MET: variants seen among roughly 807,000 people sequenced by gnomAD.
The protein encoded by MET is hepatocyte growth factor receptor.
MET carries 48 observed loss-of-function variants against 133.1 expected under a neutral mutation model. The ratio of observed to expected loss-of-function variants is 0.36; its 90% confidence interval spans 0.29 to 0.46. The LOEUF (loss-of-function observed/expected upper bound fraction) is 0.46. Ranked by LOEUF, MET falls within the 20% of genes least tolerant of loss-of-function variation. The pLI is 1.00. For synonymous variants in MET, 628 were observed against 616.5 expected (o/e 1.02, Z -0.28); for missense variants, 1,442 against 1,695.9 (o/e 0.85, Z 2.63).
intron 2 of MET, among the ~76,000 whole-genome samples, chr7:116,701,293 T>C (rs183360917): frequency 2.6e-5 from 4 of 152,302 alleles, no homozygotes; most frequent in Admixed American, 2.6e-4. Flanking sequence ...AGTTTGACTT[T>C]GGCATGGTAT....
At chr7:116,687,938 C>T (rs1299260910) in intron 1 of MET, among the ~76,000 whole-genome samples, 3 of 152,238 alleles carry the variant, frequency 2.0e-5, no homozygotes, top group African/African-American at 4.8e-5. Context: ...GGGGTTCACT[C>T]ACCACCTGCA....
chr7:116,767,830 T>G (rs1794680288), intron 11 of MET, among the ~76,000 whole-genome samples: 1 of 150,984 alleles, frequency 6.6e-6, no homozygotes, highest in Admixed American at 6.6e-5. Flanking sequence ...TATGTTTACT[T>G]TCTTTTATTT....
rs760519841 is a variant in MET at position 116,714,256 on chromosome 7, A to G, written c.1200+13972A>G. Among the ~76,000 whole-genome samples the G allele has an allele frequency of 4.6e-5, 7 of 152,298 alleles. No homozygotes were observed. The South Asian group carries it at 1.4e-3, about 32-fold the overall frequency. On this transcript the variant is annotated intron_variant, in intron 2 of 20. Coordinates refer to ENST00000397752, the MANE Select transcript of MET (RefSeq NM_000245.4). ...CAAGGTCCATATCATTGTAGAATTGATTCTTTTGAATTGTGGTGGTACCTC... is the reference window on the plus strand; with the variant it reads ...CAAGGTCCATATCATTGTAGAATTGGTTCTTTTGAATTGTGGTGGTACCTC...
chr7:116,719,930 T>A (rs1186884591), intron 2 of MET, among the ~76,000 whole-genome samples: 1 of 152,138 alleles, frequency 6.6e-6, no homozygotes, highest in African/African-American at 2.4e-5. Context: ...GCGTGATGCC[T>A]CCAGCTTTGT....
rs1420240934 is a variant in MET at position 116,783,437 on chromosome 7, C to A, written c.3766C>A (p.Gln1256Lys). The A allele has an allele frequency of 6.2e-7, 1 of 1,613,988 alleles. No individual in the cohort carries two copies. The highest frequency in any genetic ancestry group is 2.2e-5 in the East Asian group (1 of 44,854). Residue 1256 changes from glutamine to lysine, a missense_variant, in exon 19 of 21, where the codon CAA (glutamine) becomes AAA (lysine). Gln to Lys is a moderately conservative substitution (Grantham distance 53). Coordinates refer to ENST00000397752, the MANE Select transcript of MET (RefSeq NM_000245.4). ...PVKWMALESL[Q>K]TQKFTTKSDV... ...GAAGTGGATGGCTTTGGAAAGTCTGCAAACTCAAAAGTTTACCACCAAGTC... is the reference window on the plus strand; with the variant it reads ...GAAGTGGATGGCTTTGGAAAGTCTGAAAACTCAAAAGTTTACCACCAAGTC...
At chr7:116,721,775 T>C (rs1792493546) in intron 2 of MET, among the ~76,000 whole-genome samples, 1 of 152,176 alleles carries the variant, frequency 6.6e-6, no homozygotes, top group Non-Finnish European at 1.5e-5. Context: ...GTTGTTCAGT[T>C]TCCATGTAGT....
intron 3 of MET, among the ~76,000 whole-genome samples, chr7:116,739,499 A>G (rs1264006612): frequency 1.3e-5 from 2 of 152,242 alleles, no homozygotes; most frequent in Non-Finnish European, 2.9e-5. Flanking sequence ...AACTAGCTCC[A>G]GTATTCCAGA....
intron 2 of MET, among the ~76,000 whole-genome samples, chr7:116,727,252 A>T (rs1206691932): frequency 6.6e-6 from 1 of 152,146 alleles, no homozygotes; most frequent in African/African-American, 2.4e-5. Flanking sequence ...CCAGAATAGT[A>T]AGCAGAAGCA....
rs1167142583 is a variant in MET, at chr7:116,718,938, T to C, written c.1201-12730T>C. ...TCCAAGTCTTTGCTATTGTGAATAA[T>C]GTCGCAATAAACATACGTGTGCATG... On this transcript the variant is annotated intron_variant, in intron 2 of 20. Transcript: ENST00000397752. 2.0e-5 allele frequency among the ~76,000 whole-genome samples: 3 copies of C among 147,864 alleles called. No individual in the cohort carries two copies. In the Admixed American group the frequency reaches 2.0e-4, roughly 10 times the overall value.
intron 3 of MET, among the ~76,000 whole-genome samples, chr7:116,737,202 T>C (rs942323644): frequency 1.3e-5 from 2 of 152,156 alleles, no homozygotes; most frequent in Non-Finnish European, 2.9e-5. Flanking sequence ...TTCATCCCAT[T>C]TTCTATAGCA....
At chr7:116,780,002 T>G (rs1352074410) in intron 17 of MET, among the ~76,000 whole-genome samples, 1 of 152,208 alleles carries the variant, frequency 6.6e-6, no homozygotes, top group Non-Finnish European at 1.5e-5. Context: ...CCCATTAGAA[T>G]GGAAGCTCAT....
intron 1 of MET, among the ~76,000 whole-genome samples, chr7:116,690,839 G>A (rs1168705329): frequency 4.6e-5 from 7 of 152,136 alleles, no homozygotes; most frequent in Admixed American, 2.6e-4. Context: ...CATGCAATGG[G>A]TGCTCCCAAA....
intron 2 of MET, among the ~76,000 whole-genome samples, chr7:116,718,499 T>C (rs1172793685): frequency 6.7e-6 from 1 of 149,604 alleles, no homozygotes; most frequent in Non-Finnish European, 1.5e-5. Flanking sequence ...GGATAAGCCT[T>C]TTTTTTTTAT....
chr7:116,681,736 G>T (rs748868626), intron 1 of MET, among the ~76,000 whole-genome samples: 1 of 152,132 alleles, frequency 6.6e-6, no homozygotes, highest in Non-Finnish European at 1.5e-5. Context: ...CCAGCCAATG[G>T]CTACACTGTC....
intron 5 of MET, among the ~76,000 whole-genome samples, chr7:116,751,014 C>T (rs536965200): frequency 3.9e-5 from 6 of 152,094 alleles, no homozygotes; most frequent in African/African-American, 9.7e-5. Flanking sequence ...GACAGTATGG[C>T]GATTCCTCAA....
chr7:116,715,360 C>T (rs561148859), intron 2 of MET, among the ~76,000 whole-genome samples: 46 of 152,194 alleles, frequency 3.0e-4, no homozygotes, highest in Non-Finnish European at 6.0e-4. Context: ...TCCCAGGCAT[C>T]TTAGGTTGTG....
rs574732421 is a variant in MET at position 116,688,230 on chromosome 7, C to CT, written c.-14-10830dup. Among the ~76,000 whole-genome samples the CT allele has an allele frequency of 2.6e-3, 382 of 145,540 alleles. 2 individuals are homozygous for CT. The highest frequency in any genetic ancestry group is 8.3e-3 in the African/African-American group (330 of 39,828). ...TGCAACTGGCAAAGGTTGATTGCCT[C>CT]TTTTTTTTTTTAATATATAGACTTG... On this transcript the variant is annotated intron_variant, in intron 1 of 20. Transcript: ENST00000397752.
At chr7:116,716,023 G>A (rs954948813) in intron 2 of MET, among the ~76,000 whole-genome samples, 14 of 152,064 alleles carry the variant, frequency 9.2e-5, no homozygotes, top group African/African-American at 2.2e-4. Context: ...GGTCGAGGTG[G>A]AAGGATTGCT....
rs756154521 is a variant in MET, at chr7:116,757,530, C to T, written c.1956C>T (p.Phe652=). The T allele has an allele frequency of 1.3e-5, 21 of 1,613,314 alleles. No homozygotes were observed. The South Asian group carries it at 2.2e-4, about 17-fold the overall frequency. The part of the protein sequence containing the change: ...NGHGTTQYST[F]SYVDPVITSI... ...ACGGGACAACACAATACAGTACATT[C>T]TCCTATGTGGTAAGGAAGATTCTAT... Residue 652 remains phenylalanine, a synonymous_variant, in exon 7 of 21, where the codon TTC becomes TTT. Coordinates refer to ENST00000397752, the MANE Select transcript of MET (RefSeq NM_000245.4).
Sources: allele counts gnomAD v4.1 joint callset (sites outside exome capture counted in the v4.1 genomes callset), GRCh38; gene constraint gnomAD v4.1.1; transcripts MANE v1.5; gene names NCBI Gene and HGNC (gene_info 2026-07-23, HGNC 2026-07-21).